The following PAPPA2 variants were observed in gnomAD, a reference collection of about 807,000 sequenced individuals.
PAPPA2 encodes the protein pappalysin 2.
In PAPPA2, 86 loss-of-function variants were observed where a neutral mutation model predicts 176.4. That is an observed-to-expected ratio of 0.49 (90% CI 0.41 to 0.58). PAPPA2 has a LOEUF of 0.58. Among genes scored for constraint, PAPPA2 ranks in the 20% least tolerant of loss-of-function variants. The probability of loss-of-function intolerance (pLI) is 0.00; values close to 1 mark genes in which losing one functional copy is unlikely to be tolerated. For synonymous variants in PAPPA2, 809 were observed against 852.2 expected (o/e 0.95, Z 0.88); for missense variants, 2,073 against 2,256.9 (o/e 0.92, Z 1.65).
At chr1:176,725,436 T>G (rs1407955765) in intron 12 of PAPPA2, among the ~76,000 whole-genome samples, 1 of 152,200 alleles carries the variant, frequency 6.6e-6, no homozygotes, top group Non-Finnish European at 1.5e-5. Context: ...ATGCCTCATA[T>G]GAACAATATA....
intron 17 of PAPPA2, among the ~76,000 whole-genome samples, chr1:176,782,121 T>C (rs955514697): frequency 2.0e-5 from 3 of 152,216 alleles, no homozygotes; most frequent in African/African-American, 7.2e-5. Context: ...TTTTATAATA[T>C]AGGCATTTGG....
chr1:176,760,012 C>T (rs756614706), intron 14 of PAPPA2, among the ~76,000 whole-genome samples: 5 of 152,104 alleles, frequency 3.3e-5, no homozygotes, highest in Non-Finnish European at 5.9e-5. Context: ...TTTCAGTTCA[C>T]GGTGATAGGG....
At chr1:176,703,054 C>G (rs1393970787) in intron 9 of PAPPA2, among the ~76,000 whole-genome samples, 2 of 152,078 alleles carry the variant, frequency 1.3e-5, no homozygotes, top group Non-Finnish European at 2.9e-5. Flanking sequence ...ATGGCCTCAG[C>G]AAGCAACTGC....
intron 3 of PAPPA2, among the ~76,000 whole-genome samples, chr1:176,636,711 AG>A (rs1656720019): frequency 6.6e-6 from 1 of 152,274 alleles, no homozygotes; most frequent in East Asian, 1.9e-4. Context: ...CAAATTTCAG[AG>A]GTGATTGTGA....
At chr1:176,501,290 A>G (rs1326336853) in intron 1 of PAPPA2, among the ~76,000 whole-genome samples, 3 of 152,072 alleles carry the variant, frequency 2.0e-5, no homozygotes, top group South Asian at 2.1e-4. Context: ...TTTTTTAGTT[A>G]TCACGTTTAA....
chr1:176,704,255 T>C (rs1329939883), intron 9 of PAPPA2, among the ~76,000 whole-genome samples: 1 of 152,220 alleles, frequency 6.6e-6, no homozygotes, highest in African/African-American at 2.4e-5. Flanking sequence ...CTTATCAAAA[T>C]GTTCCTTGAA....
intron 3 of PAPPA2, among the ~76,000 whole-genome samples, chr1:176,666,199 A>G (rs574364450): frequency 6.6e-6 from 1 of 152,338 alleles, no homozygotes; most frequent in African/African-American, 2.4e-5. Context: ...CACTGCAATG[A>G]AAGCAAAGAA....
chr1:176,587,714 G>A (rs561411493), intron 2 of PAPPA2, among the ~76,000 whole-genome samples: 2 of 152,272 alleles, frequency 1.3e-5, no homozygotes, highest in East Asian at 3.9e-4. Flanking sequence ...TTGAAGTCAG[G>A]TAGCGTGATG....
At chr1:176,724,478 A>G (rs536919085) in intron 12 of PAPPA2, among the ~76,000 whole-genome samples, 1 of 152,310 alleles carries the variant, frequency 6.6e-6, no homozygotes, top group African/African-American at 2.4e-5. Context: ...TCATATGTTC[A>G]TGTTTATTTT....
intron 12 of PAPPA2, among the ~76,000 whole-genome samples, chr1:176,731,144 A>G (rs1662120422): frequency 6.6e-6 from 1 of 151,518 alleles, no homozygotes; most frequent in African/African-American, 2.4e-5. Context: ...CCTTTTCTCT[A>G]TTGCTCTTTT....
chr1:176,741,196 G>A (rs1662664918), intron 14 of PAPPA2, among the ~76,000 whole-genome samples: 1 of 152,110 alleles, frequency 6.6e-6, no homozygotes, highest in South Asian at 2.1e-4. Flanking sequence ...GGTATCTCTG[G>A]CTTAAGATCT....
At position 176,556,268 on chromosome 1, in the gene PAPPA2, C is replaced by T. The variant is rs1273652003; in HGVS notation, c.-55C>T. ...GCCTCTTTCTCGTCTGCCCATCACT[C>T]TGGTGTGGTACCCAGAAGTTGACTT... On this transcript the variant is annotated 5_prime_UTR_variant, in exon 2 of 23. Coordinates refer to ENST00000367662, the MANE Select transcript of PAPPA2 (RefSeq NM_020318.3). 1 of 1,560,602 alleles carries T rather than the reference C, an allele frequency of 6.4e-7. No homozygotes were observed. Among genetic ancestry groups the T allele is most frequent in the African/African-American group, 1.4e-5 (1 of 73,582 alleles).
intron 4 of PAPPA2, among the ~76,000 whole-genome samples, chr1:176,685,728 G>A (rs546963069): frequency 3.9e-5 from 6 of 152,320 alleles, no homozygotes; most frequent in African/African-American, 1.4e-4. Flanking sequence ...GGAAGGGATT[G>A]CCACTCTAAC....
intron 17 of PAPPA2, among the ~76,000 whole-genome samples, chr1:176,787,239 A>C (rs922796911): frequency 2.0e-5 from 3 of 152,070 alleles, no homozygotes; most frequent in Non-Finnish European, 4.4e-5. Flanking sequence ...AGTCATAAAA[A>C]TCAGATTTTT....
At chr1:176,779,519 C>CACAGAGAGAGAGAG (rs1451138087) in intron 17 of PAPPA2, among the ~76,000 whole-genome samples, 1 of 102,538 alleles carries the variant, frequency 9.8e-6, no homozygotes, top group African/African-American at 3.4e-5. Flanking sequence ...CACACACACA[C>CACAGAGAGAGAGAG]AGAGAGAGAG....
At chr1:176,819,514 T>C (rs1666568443) in intron 21 of PAPPA2, among the ~76,000 whole-genome samples, 1 of 152,210 alleles carries the variant, frequency 6.6e-6, no homozygotes, top group African/African-American at 2.4e-5. Context: ...ATTTAACATT[T>C]AACTCTTATG....
intron 1 of PAPPA2, among the ~76,000 whole-genome samples, chr1:176,465,904 G>A (rs914284595): frequency 1.3e-5 from 2 of 151,758 alleles, no homozygotes; most frequent in African/African-American, 4.8e-5. Flanking sequence ...CTGGTTTTCT[G>A]TTCCTGTATA....
chr1:176,560,321 T>G (rs1478008614), intron 2 of PAPPA2, among the ~76,000 whole-genome samples: 1 of 152,222 alleles, frequency 6.6e-6, no homozygotes, highest in Non-Finnish European at 1.5e-5. Context: ...AATAGAAAGT[T>G]GAATTCCAGA....
intron 21 of PAPPA2, among the ~76,000 whole-genome samples, chr1:176,837,024 A>T (rs139101977): frequency 1.2e-4 from 18 of 152,244 alleles, no homozygotes; most frequent in African/African-American, 4.3e-4. Context: ...CAACTTCAAA[A>T]TGGGAAACAT....
Sources: allele counts gnomAD v4.1 joint callset (sites outside exome capture counted in the v4.1 genomes callset), GRCh38; gene constraint gnomAD v4.1.1; transcripts MANE v1.5; gene names NCBI Gene and HGNC (gene_info 2026-07-23, HGNC 2026-07-21).